The following PTPRM variants were observed in gnomAD, a reference collection of about 807,000 sequenced individuals.
PTPRM encodes the protein receptor-type tyrosine-protein phosphatase mu.
PTPRM carries 47 observed loss-of-function variants against 186.7 expected under a neutral mutation model. The ratio of observed to expected loss-of-function variants is 0.25; its 90% CI spans 0.20 to 0.32. The LOEUF is 0.32. Ranked by LOEUF, PTPRM falls within the 10% of genes least tolerant of loss-of-function variation. The probability of loss-of-function intolerance (pLI) is 1.00; values close to 1 mark genes in which losing one functional copy is unlikely to be tolerated. For missense variants in PTPRM, 1,494 were observed against 1,865.0 expected (o/e 0.80, Z 3.66); for synonymous variants, 668 against 674.9 (o/e 0.99, Z 0.16).
chr18:7,772,400 TTTCTTTC>T (rs2042351949), intron 1 of PTPRM, among the ~76,000 whole-genome samples: 1 of 127,778 alleles, frequency 7.8e-6, no homozygotes, highest in Non-Finnish European at 1.7e-5. Context: ...TCTTTCTTTC[TTTCTTTC>T]TTTCTTTTCT....
chr18:7,705,297 A>ATCTGTCTGTCTG (rs1290747273), intron 1 of PTPRM, among the ~76,000 whole-genome samples: 41 of 143,352 alleles, frequency 2.9e-4, no homozygotes, highest in African/African-American at 9.6e-4. Context: ...CTATCTATCT[A>ATCTGTCTGTCTG]TCTATCTATC....
rs115710029 is a variant in PTPRM at position 7,956,504 on chromosome 18, T to C, written c.1132+1090T>C. On this transcript the variant is annotated intron_variant, in intron 7 of 32. Coordinates refer to ENST00000580170, the MANE Select transcript of PTPRM (RefSeq NM_001105244.2). Reference sequence around the variant, plus strand: ...ACTTTTTTCTTCTGGGGATACATGCTATTGAGTACAGGGACTGGCCTGGGT... The same window carrying C: ...ACTTTTTTCTTCTGGGGATACATGCCATTGAGTACAGGGACTGGCCTGGGT... 5.1e-3 allele frequency among the ~76,000 whole-genome samples: 779 copies of C among 152,356 alleles called. 7 individuals are homozygous for C. The highest frequency in any genetic ancestry group is 0.018 in the African/African-American group (748 of 41,578).
rs1312934017 is a variant in PTPRM at position 7,817,632 on chromosome 18, A to G, written c.196+43361A>G. Reference sequence around the variant, plus strand: ...GATTTCTATGCTCTTTTTCTATCATATTATTCCATGAAATAAGGCATTCTT... The same window carrying G: ...GATTTCTATGCTCTTTTTCTATCATGTTATTCCATGAAATAAGGCATTCTT... On this transcript the variant is annotated intron_variant, in intron 2 of 32. Transcript: ENST00000580170. Among the ~76,000 whole-genome samples the G allele has an allele frequency of 1.4e-5, 2 of 147,156 alleles. 1 individual carries two copies. The highest frequency in any genetic ancestry group is 4.1e-4 in the East Asian group (2 of 4,882).
In PTPRM at chr18:8,406,123, C is replaced by G; in HGVS notation, c.4359C>G (p.Phe1453Leu). The change falls in exon 33 of 33, where the codon TTC becomes TTG. Residue 1453 changes from phenylalanine (F) to leucine (L), a missense_variant. Transcript: ENST00000580170. ...CTGTTTTCCAGGATCAGTACAAGTT[C>G]TGCTACGAGGTGGCCCTGGAATACT... The part of the protein sequence containing the change: ...NMVDLLDQYK[F>L]CYEVALEYLN... The G allele has an allele frequency of 6.2e-7, 1 of 1,614,164 alleles. No individual in the cohort carries two copies. Among genetic ancestry groups the G allele is most frequent in the Non-Finnish European group, 8.5e-7 (1 of 1,180,016 alleles).
chr18:8,135,684 G>A (rs1187442939), intron 13 of PTPRM, among the ~76,000 whole-genome samples: 2 of 152,188 alleles, frequency 1.3e-5, no homozygotes, highest in Non-Finnish European at 2.9e-5. Flanking sequence ...TTTACTAAAT[G>A]AGAGTCTGGA....
intron 2 of PTPRM, among the ~76,000 whole-genome samples, chr18:7,779,275 A>G (rs768834106): frequency 4.6e-5 from 7 of 152,212 alleles, no homozygotes; most frequent in Non-Finnish European, 1.0e-4. Context: ...GTATTTTTCC[A>G]GGTAGTATAG....
chr18:8,215,970 T>C (rs545748969), intron 14 of PTPRM, among the ~76,000 whole-genome samples: 1 of 152,318 alleles, frequency 6.6e-6, no homozygotes, highest in African/African-American at 2.4e-5. Flanking sequence ...AATAACCAGG[T>C]TTCCCTAGCC....
intron 7 of PTPRM, among the ~76,000 whole-genome samples, chr18:8,013,518 G>A (rs2084670309): frequency 6.6e-6 from 1 of 152,218 alleles, no homozygotes; most frequent in Admixed American, 6.5e-5. Context: ...AGTGGAGGTG[G>A]ATCTTCATCC....
chr18:7,939,936 A>AT (rs1287898857), intron 5 of PTPRM, among the ~76,000 whole-genome samples: 1 of 151,940 alleles, frequency 6.6e-6, no homozygotes, highest in Admixed American at 6.5e-5. Context: ...CCTGATGTAT[A>AT]TTTTCACAAT....
Position 7,585,518 on chromosome 18 carries a change from A to G in PTPRM, c.73+17627A>G, listed in dbSNP as rs916517467. On this transcript the variant is annotated intron_variant, in intron 1 of 32. Transcript: ENST00000580170. ...TTGTGCGGGATTGGAATTTGGCCAG[A>G]GGTTGGAAAAGTGTTGAGTATTGGG... Among the ~76,000 whole-genome samples, 6 of 152,298 alleles carry G rather than the reference A, an allele frequency of 3.9e-5. No individual in the cohort carries two copies. The South Asian group carries it at 8.3e-4, about 21-fold the overall frequency.
At chr18:8,078,967 T>C (rs561815398) in intron 9 of PTPRM, among the ~76,000 whole-genome samples, 1 of 152,192 alleles carries the variant, frequency 6.6e-6, no homozygotes, top group Non-Finnish European at 1.5e-5. Flanking sequence ...CATTTCAACA[T>C]GAAATTTGAA....
At chr18:8,304,605 T>C (rs958948762) in intron 20 of PTPRM, among the ~76,000 whole-genome samples, 2 of 152,200 alleles carry the variant, frequency 1.3e-5, no homozygotes, top group Non-Finnish European at 2.9e-5. Context: ...GTGATTATGA[T>C]ATAAACATGA....
At chr18:7,959,168 G>A (rs548193190) in intron 7 of PTPRM, among the ~76,000 whole-genome samples, 19 of 152,306 alleles carry the variant, frequency 1.2e-4, no homozygotes, top group African/African-American at 4.6e-4. Flanking sequence ...CTTACATATA[G>A]CATGTGGTCA....
chr18:8,081,214 G>A (rs2090108165), intron 9 of PTPRM, among the ~76,000 whole-genome samples: 1 of 152,100 alleles, frequency 6.6e-6, no homozygotes, highest in Admixed American at 6.6e-5. Flanking sequence ...GTAGAGAAAG[G>A]GAAGACAATT....
intron 2 of PTPRM, among the ~76,000 whole-genome samples, chr18:7,846,842 C>G (rs1278499977): frequency 6.6e-6 from 1 of 152,084 alleles, no homozygotes; most frequent in Non-Finnish European, 1.5e-5. Flanking sequence ...CTAATCAGAC[C>G]AGGGTTTCTG....
chr18:7,727,514 G>A (rs1384556587), intron 1 of PTPRM, among the ~76,000 whole-genome samples: 1 of 152,112 alleles, frequency 6.6e-6, no homozygotes, highest in Admixed American at 6.5e-5. Flanking sequence ...AAGTTTCACA[G>A]CTGTATTTAG....
chr18:7,914,543 A>T (rs1162763664), intron 4 of PTPRM, among the ~76,000 whole-genome samples: 10 of 152,140 alleles, frequency 6.6e-5, no homozygotes, highest in Non-Finnish European at 1.5e-4. Context: ...AAATATAGGG[A>T]TTACATTAGT....
chr18:7,795,470 G>GA (rs35135572), intron 2 of PTPRM, among the ~76,000 whole-genome samples: 4,072 of 129,354 alleles, frequency 0.031, 111 homozygotes, highest in African/African-American at 0.082. Flanking sequence ...GCTTGTTCTG[G>GA]AAAAAAAAAA....
chr18:7,782,465 C>G (rs1308035108), intron 2 of PTPRM, among the ~76,000 whole-genome samples: 1 of 152,130 alleles, frequency 6.6e-6, no homozygotes, highest in Non-Finnish European at 1.5e-5. Flanking sequence ...CTATGTGAAC[C>G]ATTTTTAAGT....
Sources: allele counts gnomAD v4.1 joint callset (sites outside exome capture counted in the v4.1 genomes callset), GRCh38; gene constraint gnomAD v4.1.1; transcripts MANE v1.5; gene names NCBI Gene and HGNC (gene_info 2026-07-23, HGNC 2026-07-21).